NXPE2: variants seen among roughly 807,000 people sequenced by gnomAD.
NXPE2 encodes NXPE family member 2.
A neutral mutation model predicts 34.4 loss-of-function variants in NXPE2; 34 were observed. That is an observed-to-expected ratio of 0.99 (90% CI 0.75 to 1.31). The LOEUF (loss-of-function observed/expected upper bound fraction) is 1.31, where lower values mean the gene tolerates loss of function less well. Among genes scored for constraint, NXPE2 ranks in the 40% most tolerant of loss-of-function variants. The pLI is 0.00. For missense variants in NXPE2, 649 were observed against 672.5 expected (o/e 0.97, Z 0.39); for synonymous variants, 235 against 231.3 (o/e 1.02, Z -0.15).
chr11:114,712,926 CA>C, the NXPE2 span, among the ~76,000 whole-genome samples: 1 of 152,146 alleles, frequency 6.6e-6, no homozygotes, highest in Non-Finnish European at 1.5e-5. Context: ...CATATACATA[CA>C]GTGAAAAACC....
the NXPE2 span, among the ~76,000 whole-genome samples, chr11:114,560,911 A>G: frequency 6.6e-6 from 1 of 152,114 alleles, no homozygotes; most frequent in Admixed American, 6.5e-5. Context: ...TCTCTTAGCG[A>G]TACGGATTTC....
the NXPE2 span, chr11:114,530,464 G>A: frequency 6.2e-7 from 1 of 1,614,240 alleles, no homozygotes. Flanking sequence ...GGGTGGATGA[G>A]CAGCAGAGAC....
chr11:114,651,334 A>G, the NXPE2 span, among the ~76,000 whole-genome samples: 5 of 151,094 alleles, frequency 3.3e-5, no homozygotes, highest in African/African-American at 1.2e-4. Context: ...ACAGCTCGTT[A>G]AGGTGGCACG....
At chr11:114,551,269 A>C in the NXPE2 span, 3 of 1,313,242 alleles carry the variant, frequency 2.3e-6, no homozygotes, top group Non-Finnish European at 3.1e-6. Flanking sequence ...GTACTCACTC[A>C]TTATTTTATT....
At chr11:114,515,844 G>A in the NXPE2 span, among the ~76,000 whole-genome samples, 1 of 110,748 alleles carries the variant, frequency 9.0e-6, no homozygotes, top group Non-Finnish European at 1.8e-5. Flanking sequence ...CATTAGATTT[G>A]CAGGTACTGG....
At chr11:114,554,343 T>G in the NXPE2 span, 1 of 985,170 alleles carries the variant, frequency 1.0e-6, no homozygotes. Flanking sequence ...CTCTTCCTAC[T>G]TGTGTAAATG....
At chr11:114,473,863 G>A in the NXPE2 span, among the ~76,000 whole-genome samples, 1 of 152,030 alleles carries the variant, frequency 6.6e-6, no homozygotes, top group South Asian at 2.1e-4. Flanking sequence ...TTCATGGCTC[G>A]GTTTCTTTAC....
the NXPE2 span, among the ~76,000 whole-genome samples, chr11:114,797,485 C>T: frequency 2.6e-5 from 4 of 152,154 alleles, no homozygotes; most frequent in East Asian, 3.9e-4. Context: ...CGCCAGGTCA[C>T]GAGGTCCTCA....
chr11:114,683,633 A>G (rs1370646379), intron 2 of NXPE2, among the ~76,000 whole-genome samples: 1 of 152,116 alleles, frequency 6.6e-6, no homozygotes, highest in Non-Finnish European at 1.5e-5. Context: ...GTTGGCCAGG[A>G]TGGTCTTGAT....
chr11:114,603,749 A>T, the NXPE2 span, among the ~76,000 whole-genome samples: 4 of 151,510 alleles, frequency 2.6e-5, no homozygotes, highest in Non-Finnish European at 4.4e-5. Flanking sequence ...GTGGATGATA[A>T]GTATTTCCTC....
At chr11:114,549,655 T>C in the NXPE2 span, among the ~76,000 whole-genome samples, 1 of 152,082 alleles carries the variant, frequency 6.6e-6, no homozygotes, top group African/African-American at 2.4e-5. Flanking sequence ...AAAGGCTTTG[T>C]CACCAAAATC....
chr11:114,810,783 T>A, the NXPE2 span, among the ~76,000 whole-genome samples: 25 of 152,282 alleles, frequency 1.6e-4, no homozygotes, highest in African/African-American at 5.1e-4. Flanking sequence ...AGTGTGGCGA[T>A]TCCTCAGGGA....
the NXPE2 span, among the ~76,000 whole-genome samples, chr11:114,779,032 C>T: frequency 2.6e-5 from 4 of 152,174 alleles, no homozygotes; most frequent in African/African-American, 9.7e-5. Flanking sequence ...CAGTTCCTTT[C>T]CCCCTCTCTC....
At chr11:114,467,405 A>C in the NXPE2 span, among the ~76,000 whole-genome samples, 3 of 152,194 alleles carry the variant, frequency 2.0e-5, no homozygotes, top group Non-Finnish European at 4.4e-5. Flanking sequence ...GTTTTTAAGG[A>C]GATCTAGTCC....
At chr11:114,638,905 G>T in the NXPE2 span, among the ~76,000 whole-genome samples, 1 of 102,090 alleles carries the variant, frequency 9.8e-6, no homozygotes, top group Non-Finnish European at 2.0e-5. Flanking sequence ...AGGCTGCTTG[G>T]GGGTCAGGGG....
intron 2 of NXPE2, among the ~76,000 whole-genome samples, chr11:114,694,335 A>T (rs1177559291): frequency 6.6e-6 from 1 of 152,176 alleles, no homozygotes; most frequent in Non-Finnish European, 1.5e-5. Flanking sequence ...TTCAATAGGT[A>T]AAGTTTTCTT....
At chr11:114,469,645 C>A in the NXPE2 span, among the ~76,000 whole-genome samples, 3 of 151,090 alleles carry the variant, frequency 2.0e-5, no homozygotes, top group Non-Finnish European at 4.4e-5. Context: ...ACCCCCCCCA[C>A]CACACCCAGC....
chr11:114,536,082 C>A, the NXPE2 span, among the ~76,000 whole-genome samples: 1 of 152,194 alleles, frequency 6.6e-6, no homozygotes, highest in Admixed American at 6.5e-5. Flanking sequence ...AACAAACTGT[C>A]TCTCAGACCA....
At chr11:114,667,812 A>C in the NXPE2 span, among the ~76,000 whole-genome samples, 1 of 152,174 alleles carries the variant, frequency 6.6e-6, no homozygotes, top group Admixed American at 6.6e-5. Flanking sequence ...TCCAGCTGCC[A>C]TACTGACAGA....
Sources: gnomAD v4.1 joint callset for allele counts (sites outside exome capture counted in the v4.1 genomes callset) on GRCh38, gnomAD v4.1.1 for gene constraint, MANE v1.5 for transcripts, NCBI Gene and HGNC (gene_info 2026-07-23, HGNC 2026-07-21) for gene names.